BAZ1B: variants seen among roughly 807,000 people sequenced by gnomAD.
BAZ1B encodes the protein bromodomain adjacent to zinc finger domain 1B, also known as tyrosine-protein kinase BAZ1B.
BAZ1B carries 22 observed loss-of-function variants against 153.8 expected under a neutral mutation model. The ratio of observed to expected loss-of-function variants is 0.14; its 90% CI spans 0.10 to 0.20. The LOEUF (loss-of-function observed/expected upper bound fraction) is 0.20, where lower values mean the gene tolerates loss of function less well. Ranked by LOEUF, BAZ1B falls within the 10% of genes least tolerant of loss-of-function variation. The pLI is 1.00. For synonymous variants in BAZ1B, 676 were observed against 633.4 expected (o/e 1.07, Z -1.01); for missense variants, 1,325 against 1,799.3 (o/e 0.74, Z 4.77).
At chr7:73,472,932 C>T (rs1485080829) in intron 7 of BAZ1B, among the ~76,000 whole-genome samples, 1 of 150,988 alleles carries the variant, frequency 6.6e-6, no homozygotes, top group African/African-American at 2.4e-5. Flanking sequence ...CACCACCACA[C>T]CCAGCTGATC....
chr7:73,447,487 T>G, intron 15 of BAZ1B, 108 bp from the exon 16 acceptor site: 1 of 1,304,962 alleles, frequency 7.7e-7, no homozygotes, highest in Non-Finnish European at 1.0e-6. Context: ...AGACTACATA[T>G]GTATAACGTA....
intron 10 of BAZ1B, 75 bp from the exon 11 acceptor site, chr7:73,465,612 T>C (rs1269413397): frequency 1.3e-5 from 12 of 939,556 alleles, no homozygotes; most frequent in Non-Finnish European, 1.8e-5. Flanking sequence ...GCAAGGGATC[T>C]AGAGTTGGTG....
chr7:73,515,239 T>C (rs1221486209), intron 1 of BAZ1B, among the ~76,000 whole-genome samples: 2 of 152,312 alleles, frequency 1.3e-5, no homozygotes, highest in Non-Finnish European at 1.5e-5. Flanking sequence ...ATATGATAGA[T>C]TGTATTAGTT....
At chr7:73,448,750 A>G (rs534740735) in intron 15 of BAZ1B, among the ~76,000 whole-genome samples, 1 of 152,366 alleles carries the variant, frequency 6.6e-6, no homozygotes, top group African/African-American at 2.4e-5. Context: ...CAAGTACACA[A>G]ATATGGGATC....
At chr7:73,484,149 C>G (rs998943659) in intron 6 of BAZ1B, among the ~76,000 whole-genome samples, 1 of 152,060 alleles carries the variant, frequency 6.6e-6, no homozygotes, top group African/African-American at 2.4e-5. Context: ...GCCTGTAGTC[C>G]CAGCTACTCG....
intron 5 of BAZ1B, among the ~76,000 whole-genome samples, chr7:73,490,857 G>A (rs1294511458): frequency 2.6e-5 from 4 of 151,368 alleles, no homozygotes; most frequent in African/African-American, 7.3e-5. Context: ...CACCTGCCTC[G>A]GCCTCCCAAA....
chr7:73,452,126 T>C (rs1390346121), intron 13 of BAZ1B, among the ~76,000 whole-genome samples: 1 of 152,172 alleles, frequency 6.6e-6, no homozygotes, highest in Non-Finnish European at 1.5e-5. Flanking sequence ...TTTGAAGGTG[T>C]TTTGGGAATA....
At chr7:73,501,851 ATACTC>A (rs1290048666) in intron 3 of BAZ1B, among the ~76,000 whole-genome samples, 1 of 151,246 alleles carries the variant, frequency 6.6e-6, no homozygotes, top group Non-Finnish European at 1.5e-5. Context: ...ACTTTAATAA[ATACTC>A]TGTGCTTTTC....
At chr7:73,515,248 T>C (rs1410490477) in intron 1 of BAZ1B, among the ~76,000 whole-genome samples, 1 of 152,188 alleles carries the variant, frequency 6.6e-6, no homozygotes, top group Non-Finnish European at 1.5e-5. Flanking sequence ...ATTGTATTAG[T>C]TTCTAACTAT....
At chr7:73,459,446 T>C (rs1228848286) in intron 13 of BAZ1B, 90 bp downstream of exon 13, 18 of 1,332,700 alleles carry the variant, frequency 1.4e-5, no homozygotes, top group Middle Eastern at 2.6e-4. Flanking sequence ...ACAGTGCCTA[T>C]AGCAGCTAAA....
chr7:73,446,631 A>C (rs567760102), intron 16 of BAZ1B, among the ~76,000 whole-genome samples: 1 of 152,064 alleles, frequency 6.6e-6, no homozygotes, highest in South Asian at 2.1e-4. Context: ...CATTAGCCAC[A>C]AACACCAGAC....
chr7:73,455,033 T>A (rs542656749), intron 13 of BAZ1B, among the ~76,000 whole-genome samples: 277 of 151,558 alleles, frequency 1.8e-3, no homozygotes, highest in African/African-American at 6.6e-3. Flanking sequence ...TCGGGGTGTG[T>A]GTGTGTGTGT....
At chr7:73,476,753 G>C in intron 7 of BAZ1B, 115 bp downstream of exon 7, 1 of 1,470,894 alleles carries the variant, frequency 6.8e-7, no homozygotes, top group South Asian at 1.4e-5. Flanking sequence ...TAGGTGCTGG[G>C]TTATTACATA....
At chr7:73,459,965 C>T (rs113139426) in intron 12 of BAZ1B, among the ~76,000 whole-genome samples, 38 of 152,170 alleles carry the variant, frequency 2.5e-4, no homozygotes, top group Non-Finnish European at 2.8e-4. Flanking sequence ...GGGGCCAAGG[C>T]GGGCGAATCA....
intron 1 of BAZ1B, among the ~76,000 whole-genome samples, chr7:73,517,543 A>G (rs1482978927): frequency 6.6e-6 from 1 of 152,168 alleles, no homozygotes; most frequent in African/African-American, 2.4e-5. Flanking sequence ...AAAAAAAATG[A>G]AAATGAAAAG....
chr7:73,486,588 A>G (rs1001366543), intron 6 of BAZ1B, among the ~76,000 whole-genome samples: 3 of 152,154 alleles, frequency 2.0e-5, no homozygotes, highest in African/African-American at 7.2e-5. Context: ...GGCCTCCCAA[A>G]GTGCTAGGAT....
chr7:73,443,996 C>G lies in BAZ1B; in HGVS notation c.3978G>C (p.Glu1326Asp). The G allele has an allele frequency of 1.9e-6, 3 of 1,613,414 alleles. No homozygotes were observed. Among genetic ancestry groups the G allele is most frequent in the Non-Finnish European group, 2.5e-6 (3 of 1,179,730 alleles). ...AAATAATTCTCACCAGCTCATCCAC[C>G]TCAGCATCATCCACAGGTGGTGCCT... is the stretch of plus-strand genomic sequence containing the variant. ...QPKAPPVDDA[E>D]VDELVLQTKR... Residue 1326 changes from glutamate to aspartate, a missense_variant, in exon 17 of 20, where the codon GAG becomes GAC. Around this residue, in one of 9 missense-constraint regions of BAZ1B, gnomAD observed 271 missense variants for 337.2 expected, o/e 0.80. Coordinates refer to ENST00000339594, the MANE Select transcript of BAZ1B (RefSeq NM_032408.4).
At chr7:73,518,182 A>G (rs1342293303) in intron 1 of BAZ1B, among the ~76,000 whole-genome samples, 1 of 151,824 alleles carries the variant, frequency 6.6e-6, no homozygotes, top group Non-Finnish European at 1.5e-5. Flanking sequence ...CGGGCGGATC[A>G]TAAGGTCAGG....
chr7:73,485,266 T>C (rs181170551), intron 6 of BAZ1B, among the ~76,000 whole-genome samples: 17 of 152,172 alleles, frequency 1.1e-4, no homozygotes. Flanking sequence ...CAGTATTCTG[T>C]AAAAGGGCAT....
Sources: gnomAD v4.1 joint callset for allele counts (sites outside exome capture counted in the v4.1 genomes callset) on GRCh38, gnomAD v4.1.1 for gene constraint, gnomAD v4.1.1 regional missense constraint, MANE v1.5 for transcripts, NCBI Gene and HGNC (gene_info 2026-07-23, HGNC 2026-07-21) for gene names.